The following ZNF609 variants were observed in gnomAD, a reference collection of about 807,000 sequenced individuals.
The protein encoded by ZNF609 is zinc finger protein 609.
Under a neutral mutation model 109.5 loss-of-function variants are expected in ZNF609, and 11 were observed. The observed-to-expected ratio is 0.10, with a 90% confidence interval of 0.06 to 0.17. ZNF609 has a LOEUF of 0.17. Ranked by LOEUF, ZNF609 falls within the 10% of genes least tolerant of loss-of-function variation. The pLI, the probability that ZNF609 is intolerant of heterozygous loss-of-function variation, is 1.00. For synonymous variants in ZNF609, 646 were observed against 662.0 expected (o/e 0.98, Z 0.37); for missense variants, 1,559 against 1,772.4 (o/e 0.88, Z 2.16).
intron 1 of ZNF609, among the ~76,000 whole-genome samples, chr15:64,475,525 AT>A (rs1596376563): frequency 1.3e-5 from 2 of 149,798 alleles, no homozygotes; most frequent in East Asian, 4.0e-4. Context: ...AGTAACTGGG[AT>A]TACAGTTGCC....
chr15:64,486,366 A>T (rs1216489177), intron 1 of ZNF609, among the ~76,000 whole-genome samples: 2 of 152,096 alleles, frequency 1.3e-5, no homozygotes, highest in East Asian at 1.9e-4. Flanking sequence ...TCTACTAAAA[A>T]TACAAAAATT....
chr15:64,529,752 C>T (rs950308376), intron 2 of ZNF609: 52 of 553,610 alleles, frequency 9.4e-5, no homozygotes, highest in African/African-American at 4.3e-4. Flanking sequence ...TTTTTTGAGA[C>T]GGAGTTTCAC....
rs781245890 is a variant in ZNF609 at position 64,680,836 on chromosome 15, C to G, written c.4136C>G (p.Ala1379Gly). 1 of 1,612,058 alleles carries G rather than the reference C, an allele frequency of 6.2e-7. No homozygotes were observed. The highest frequency in any genetic ancestry group is 8.5e-7 in the Non-Finnish European group (1 of 1,180,012). The change falls in exon 8 of 10, where the codon GCA (alanine) becomes GGA (glycine). Residue 1379 changes from alanine (A) to glycine (G), a missense_variant. By Grantham distance (60) the Ala-to-Gly change is moderately conservative. Around this residue, in one of 4 missense-constraint regions of ZNF609, gnomAD observed 1,204 missense variants for 1,314.1 expected, o/e 0.92. Coordinates refer to ENST00000326648, the MANE Select transcript of ZNF609 (RefSeq NM_015042.2). ...HHHLGYSLLPAQYNLPYAAGL... is the reference protein window; with the variant it reads ...HHHLGYSLLPGQYNLPYAAGL... ...CACTTGGGGTACTCATTGCTCCCAG[C>G]ACAGTACAACTTACCCTATGCAGCA...
intron 1 of ZNF609, among the ~76,000 whole-genome samples, chr15:64,465,573 G>T (rs963690738): frequency 1.3e-5 from 2 of 151,850 alleles, no homozygotes; most frequent in Non-Finnish European, 2.9e-5. Flanking sequence ...TAGAGATGGG[G>T]TTTCATTATG....
chr15:64,473,713 C>T (rs1893125764), intron 1 of ZNF609, among the ~76,000 whole-genome samples: 1 of 151,986 alleles, frequency 6.6e-6, no homozygotes, highest in Admixed American at 6.6e-5. Flanking sequence ...TCAAGCGATT[C>T]TCCTGTCTCA....
chr15:64,491,798 CTG>C (rs1215279052), intron 1 of ZNF609, among the ~76,000 whole-genome samples: 9 of 151,192 alleles, frequency 6.0e-5, no homozygotes, highest in Non-Finnish European at 1.0e-4. Context: ...TGAGCTGAGA[CTG>C]TGCCGTTGCA....
chr15:64,642,039 GA>G (rs1225006892), intron 3 of ZNF609, among the ~76,000 whole-genome samples: 1 of 152,166 alleles, frequency 6.6e-6, no homozygotes, highest in East Asian at 1.9e-4. Context: ...TAAAAACCTA[GA>G]GATGTTGCTG....
At chr15:64,578,780 C>T (rs1383459340) in intron 2 of ZNF609, among the ~76,000 whole-genome samples, 1 of 152,158 alleles carries the variant, frequency 6.6e-6, no homozygotes, top group African/African-American at 2.4e-5. Flanking sequence ...GCATGGATTG[C>T]GTGAGCTCAG....
intron 2 of ZNF609, among the ~76,000 whole-genome samples, chr15:64,621,730 G>A (rs1206256947): frequency 2.7e-5 from 4 of 150,818 alleles, no homozygotes; most frequent in Non-Finnish European, 5.9e-5. Context: ...CTTGTGAGAG[G>A]TTCTAGTTTC....
chr15:64,606,254 C>A (rs570650876), intron 2 of ZNF609, among the ~76,000 whole-genome samples: 9 of 151,402 alleles, frequency 5.9e-5, no homozygotes, highest in Non-Finnish European at 8.8e-5. Context: ...TGCAAGGACC[C>A]GCCACCATGC....
intron 2 of ZNF609, among the ~76,000 whole-genome samples, chr15:64,552,402 TG>T (rs1758664320): frequency 1.3e-5 from 2 of 152,162 alleles, no homozygotes; most frequent in African/African-American, 4.8e-5. Flanking sequence ...GACAGAGTCT[TG>T]CTCTGTTGCC....
At chr15:64,631,567 T>G in intron 3 of ZNF609, 1 of 510,078 alleles carries the variant, frequency 2.0e-6, no homozygotes, top group Non-Finnish European at 3.7e-6. Flanking sequence ...AGTTTCGCTC[T>G]TGTTGCCCAG....
At chr15:64,559,714 G>C (rs954690913) in intron 2 of ZNF609, among the ~76,000 whole-genome samples, 1 of 152,178 alleles carries the variant, frequency 6.6e-6, no homozygotes, top group African/African-American at 2.4e-5. Context: ...GAACATGTCT[G>C]TTTTGTGTCT....
intron 1 of ZNF609, among the ~76,000 whole-genome samples, chr15:64,497,264 G>A (rs527664413): frequency 2.1e-4 from 32 of 152,096 alleles, no homozygotes; most frequent in Middle Eastern, 6.8e-3. Context: ...ATAAATAGTG[G>A]TTGGTTGCTG....
At chr15:64,544,757 G>T (rs868087892) in intron 2 of ZNF609, among the ~76,000 whole-genome samples, 1 of 152,182 alleles carries the variant, frequency 6.6e-6, no homozygotes, top group Admixed American at 6.6e-5. Flanking sequence ...GTCAGCAAGC[G>T]AACCCCTTTT....
intron 2 of ZNF609, among the ~76,000 whole-genome samples, chr15:64,599,656 CCTT>C (rs1313044598): frequency 6.6e-6 from 1 of 152,144 alleles, no homozygotes; most frequent in Non-Finnish European, 1.5e-5. Flanking sequence ...TTACTCCCCT[CCTT>C]CTATTAATTT....
At chr15:64,619,429 C>T (rs778255606) in intron 2 of ZNF609, among the ~76,000 whole-genome samples, 14 of 152,144 alleles carry the variant, frequency 9.2e-5, no homozygotes, top group Non-Finnish European at 1.8e-4. Flanking sequence ...GCTTATTATG[C>T]ACTATGGCTT....
chr15:64,588,515 G>A (rs571134644), intron 2 of ZNF609, among the ~76,000 whole-genome samples: 1 of 145,700 alleles, frequency 6.9e-6, no homozygotes, highest in Non-Finnish European at 1.5e-5. Context: ...CTTGTTTTTT[G>A]TTTGTTATTT....
At chr15:64,595,227 G>A (rs906760217) in intron 2 of ZNF609, among the ~76,000 whole-genome samples, 10 of 151,894 alleles carry the variant, frequency 6.6e-5, no homozygotes, top group African/African-American at 2.2e-4. Flanking sequence ...CGGGCGTGGT[G>A]GTGGGCATCT....
Sources: gnomAD v4.1 joint callset for allele counts (sites outside exome capture counted in the v4.1 genomes callset) on GRCh38, gnomAD v4.1.1 for gene constraint, gnomAD v4.1.1 regional missense constraint, MANE v1.5 for transcripts, NCBI Gene and HGNC (gene_info 2026-07-23, HGNC 2026-07-21) for gene names.